Variants in KIAA1328 observed in about 807,000 individuals in gnomAD.
The protein encoded by KIAA1328 is protein hinderin.
In KIAA1328, 52 loss-of-function variants were observed where a neutral mutation model predicts 68.1. The ratio of observed to expected loss-of-function variants is 0.76; its 90% CI spans 0.61 to 0.96. The LOEUF (loss-of-function observed/expected upper bound fraction) is 0.96, where lower values mean the gene tolerates loss of function less well. Ranked by LOEUF, KIAA1328 falls within the 40% of genes least tolerant of loss-of-function variation. The probability of loss-of-function intolerance (pLI) is 0.00; values close to 1 mark genes in which losing one functional copy is unlikely to be tolerated. For missense variants in KIAA1328, 641 were observed against 677.6 expected, an observed-to-expected ratio of 0.95 and a Z score of 0.60; for synonymous variants, 232 against 239.4, an observed-to-expected ratio of 0.97 and a Z score of 0.28.
At chr18:36,867,083 C>T (rs1168943134) in intron 4 of KIAA1328, among the ~76,000 whole-genome samples, 1 of 152,122 alleles carries the variant, frequency 6.6e-6, no homozygotes, top group Non-Finnish European at 1.5e-5. Context: ...TCCCAAATCT[C>T]ATGTTGAAAT....
chr18:36,911,996 C>G (rs2065022042), intron 5 of KIAA1328, among the ~76,000 whole-genome samples: 1 of 152,042 alleles, frequency 6.6e-6, no homozygotes, highest in South Asian at 2.1e-4. Flanking sequence ...AATACTTATT[C>G]TTTCTCCATA....
chr18:37,132,594 G>A (rs2058548683), intron 7 of KIAA1328, among the ~76,000 whole-genome samples: 1 of 152,170 alleles, frequency 6.6e-6, no homozygotes, highest in Admixed American at 6.5e-5. Context: ...AGTAAATGGG[G>A]AATATGCATT....
chr18:36,853,241 T>C (rs1193583835), intron 4 of KIAA1328, among the ~76,000 whole-genome samples: 1 of 152,352 alleles, frequency 6.6e-6, no homozygotes. Context: ...AAAGATCCTG[T>C]AGTTAGATTA....
intron 4 of KIAA1328, among the ~76,000 whole-genome samples, chr18:36,862,550 ACTG>A (rs1303697982): frequency 2.0e-5 from 3 of 151,904 alleles, no homozygotes; most frequent in Non-Finnish European, 4.4e-5. Flanking sequence ...GTTCCTTTTT[ACTG>A]CTGACTGGTA....
At chr18:37,015,152 C>T (rs555795135) in intron 6 of KIAA1328, among the ~76,000 whole-genome samples, 1 of 152,204 alleles carries the variant, frequency 6.6e-6, no homozygotes, top group East Asian at 1.9e-4. Context: ...CCACCCACCT[C>T]AGCCTCCCAA....
intron 7 of KIAA1328, among the ~76,000 whole-genome samples, chr18:37,120,127 G>A (rs192465523): frequency 6.6e-6 from 1 of 152,088 alleles, no homozygotes; most frequent in Admixed American, 6.5e-5. Context: ...AAAAACCAAA[G>A]GTGTAAAGAC....
At chr18:36,842,395 C>T (rs2046888799) in intron 3 of KIAA1328, among the ~76,000 whole-genome samples, 1 of 152,134 alleles carries the variant, frequency 6.6e-6, no homozygotes, top group South Asian at 2.1e-4. Context: ...AAGTAGCCTT[C>T]CTTCTTTCTT....
Position 36,885,630 on chromosome 18 carries a change from C to T in KIAA1328, c.406C>T (p.Gln136Ter), listed in dbSNP as rs2048471617. 6.3e-7 allele frequency: 1 copy of T among 1,598,280 alleles called. No individual in the cohort carries two copies. The highest frequency in any genetic ancestry group is 2.3e-5 in the East Asian group (1 of 44,198). The change falls in exon 5 of 10, where the codon CAG (glutamine) becomes TAG (stop). Residue 136 changes from glutamine to a stop codon, truncating the protein, a stop_gained. Coordinates refer to ENST00000280020, the MANE Select transcript of KIAA1328 (RefSeq NM_020776.3). LOFTEE classifies it high-confidence loss of function. ...EQESFEKKIR[Q>*]LEEQNELIIK... ...GGAGTCATTTGAGAAGAAGATCAGG[C>T]AGTTGGAAGAACAGAATGAACTGAT...
chr18:37,061,540 A>C (rs1372865709), intron 6 of KIAA1328, among the ~76,000 whole-genome samples: 1 of 152,228 alleles, frequency 6.6e-6, no homozygotes, highest in Non-Finnish European at 1.5e-5. Flanking sequence ...CTCGGAAGAC[A>C]ATCACATTAA....
intron 5 of KIAA1328, among the ~76,000 whole-genome samples, chr18:36,952,589 T>C (rs534737156): frequency 6.6e-6 from 1 of 152,312 alleles, no homozygotes; most frequent in South Asian, 2.1e-4. Context: ...GTACCAGAGT[T>C]ACGATTTGAG....
At chr18:37,168,923 A>C (rs1182086011) in intron 8 of KIAA1328, among the ~76,000 whole-genome samples, 1 of 151,360 alleles carries the variant, frequency 6.6e-6, no homozygotes, top group Non-Finnish European at 1.5e-5. Flanking sequence ...CCAGAAACAG[A>C]GTTTTCTTAA....
intron 9 of KIAA1328, among the ~76,000 whole-genome samples, chr18:37,199,312 C>T (rs1007697729): frequency 4.6e-5 from 7 of 152,036 alleles, no homozygotes; most frequent in African/African-American, 1.7e-4. Flanking sequence ...CATGTGTTAC[C>T]GTTTAGCTCC....
intron 9 of KIAA1328, among the ~76,000 whole-genome samples, chr18:37,191,261 T>C (rs538310468): frequency 6.6e-6 from 1 of 152,314 alleles, no homozygotes; most frequent in African/African-American, 2.4e-5. Context: ...TTAACTTCTT[T>C]TATACATGTG....
chr18:36,920,659 C>G (rs1300693289), intron 5 of KIAA1328, among the ~76,000 whole-genome samples: 2 of 152,150 alleles, frequency 1.3e-5, no homozygotes, highest in Non-Finnish European at 2.9e-5. Context: ...TCTGAGGACC[C>G]TATCAAATAT....
chr18:36,867,388 G>A (rs1448932370), intron 4 of KIAA1328, among the ~76,000 whole-genome samples: 2 of 152,188 alleles, frequency 1.3e-5, no homozygotes, highest in Non-Finnish European at 2.9e-5. Context: ...GCAGATGCCA[G>A]CACTGTATTT....
At chr18:36,881,826 A>G (rs1601124486) in intron 4 of KIAA1328, among the ~76,000 whole-genome samples, 1 of 152,230 alleles carries the variant, frequency 6.6e-6, no homozygotes, top group Non-Finnish European at 1.5e-5. Flanking sequence ...TTTCCATTGT[A>G]TAGACACATT....
chr18:37,077,968 G>GA (rs2056805760), intron 7 of KIAA1328, among the ~76,000 whole-genome samples: 1 of 152,054 alleles, frequency 6.6e-6, no homozygotes, highest in Non-Finnish European at 1.5e-5. Flanking sequence ...CACAGAATTG[G>GA]AAAAAACTAC....
rs550958608 is a variant in KIAA1328, at chr18:37,166,644, G to A, written c.1414+6263G>A. On this transcript the variant is annotated intron_variant, in intron 8 of 9. Coordinates refer to ENST00000280020, the MANE Select transcript of KIAA1328 (RefSeq NM_020776.3). ...AAGCAGAGCAGACCCTGTTCTCAAG[G>A]GATTGTTTCTCTGTTTTAACCTGTC... Among the ~76,000 whole-genome samples, 3 of 152,154 alleles carry A rather than the reference G, an allele frequency of 2.0e-5. No individual in the cohort carries two copies. In the South Asian group the frequency reaches 6.2e-4, roughly 32 times the overall value.
At chr18:37,119,103 C>G (rs1383569275) in intron 7 of KIAA1328, among the ~76,000 whole-genome samples, 1 of 151,994 alleles carries the variant, frequency 6.6e-6, no homozygotes, top group African/African-American at 2.4e-5. Flanking sequence ...TGTGAACTGC[C>G]AATATTGTGG....
Sources: gnomAD v4.1 joint callset for allele counts (sites outside exome capture counted in the v4.1 genomes callset) on GRCh38, gnomAD v4.1.1 for gene constraint, MANE v1.5 for transcripts, NCBI Gene and HGNC (gene_info 2026-07-23, HGNC 2026-07-21) for gene names.